Variants in ATP10B observed in about 807,000 individuals in gnomAD.
ATP10B encodes the protein ATPase phospholipid transporting 10B (putative), also known as phospholipid-transporting ATPase VB.
A neutral mutation model predicts 141.2 loss-of-function variants in ATP10B; 122 were observed. The ratio of observed to expected loss-of-function variants is 0.86; its 90% CI spans 0.75 to 1.00. ATP10B has a LOEUF of 1.00. Among genes scored for constraint, ATP10B ranks in the 50% least tolerant of loss-of-function variants. ATP10B has a pLI of 0.00. For missense variants in ATP10B, 1,876 were observed against 1,825.3 expected, an observed-to-expected ratio of 1.03 and a Z score of -0.51; for synonymous variants, 685 against 692.0, an observed-to-expected ratio of 0.99 and a Z score of 0.16.
In ATP10B at chr5:160,690,766, A is replaced by T. The variant is rs138160835; in HGVS notation, c.-204-1823T>A. On this transcript the variant is annotated intron_variant, in intron 3 of 25. Transcript: ENST00000327245. The stretch of plus-strand genomic sequence containing the variant: ...CTTTTACACTGTTGGTGGGAGTGTA[A>T]ATTAGTTCAATCATTGTGGAAGAGA... 6.0e-3 allele frequency among the ~76,000 whole-genome samples: 907 copies of T among 152,286 alleles called. 9 individuals carry two copies. The highest frequency in any genetic ancestry group is 0.021 in the African/African-American group (872 of 41,544).
intron 12 of ATP10B, chr5:160,633,030 A>G (rs2002439): frequency 0.76 from 115,870 of 152,210 alleles, 44,929 homozygotes; most frequent in Middle Eastern, 0.85. Context: ...AACATCTCAC[A>G]CCAGTGAGAA....
chr5:160,756,165 C>T lies in ATP10B; in HGVS notation c.-331+29394G>A, dbSNP rs758596608. Reference sequence around the variant, plus strand: ...TTATGTATTTTTTTTTTATTTTTGGCATGGGGAAGGTCTACCTTTTTTGAA... The same window carrying T: ...TTATGTATTTTTTTTTTATTTTTGGTATGGGGAAGGTCTACCTTTTTTGAA... On this transcript the variant is annotated intron_variant, in intron 2 of 25. Coordinates refer to ENST00000327245, the MANE Select transcript of ATP10B (RefSeq NM_025153.3). Among the ~76,000 whole-genome samples, 521 of 151,134 alleles carry T rather than the reference C, an allele frequency of 3.4e-3. 2 individuals carry two copies. Among genetic ancestry groups the T allele is most frequent in the Non-Finnish European group, 5.0e-3 (338 of 67,822 alleles).
At chr5:160,740,902 T>C (rs1433814848) in intron 2 of ATP10B, among the ~76,000 whole-genome samples, 1 of 152,226 alleles carries the variant, frequency 6.6e-6, no homozygotes, top group Non-Finnish European at 1.5e-5. Context: ...ACGCTATCCC[T>C]TGACAGCTCT....
chr5:160,869,189 G>A, the ATP10B span, among the ~76,000 whole-genome samples: 3 of 151,946 alleles, frequency 2.0e-5, no homozygotes, highest in Non-Finnish European at 4.4e-5. Context: ...AACATGATCT[G>A]GTATAATAAA....
chr5:160,726,673 G>A (rs1766384570), intron 2 of ATP10B, among the ~76,000 whole-genome samples: 1 of 142,870 alleles, frequency 7.0e-6, no homozygotes, highest in Admixed American at 7.0e-5. Flanking sequence ...GGAGGAAGGA[G>A]TAGGGGGGGA....
the ATP10B span, among the ~76,000 whole-genome samples, chr5:160,885,086 C>A: frequency 6.6e-6 from 1 of 152,162 alleles, no homozygotes; most frequent in Admixed American, 6.6e-5. Flanking sequence ...TATGTTTGAT[C>A]CCACAAGCCA....
intron 6 of ATP10B, among the ~76,000 whole-genome samples, chr5:160,683,532 C>T (rs550764791): frequency 6.6e-6 from 1 of 152,214 alleles, no homozygotes; most frequent in Admixed American, 6.5e-5. Context: ...GAAGAGAACC[C>T]CTCCTTAGAA....
At chr5:160,693,750 A>G (rs983606782) in intron 3 of ATP10B, among the ~76,000 whole-genome samples, 1 of 152,194 alleles carries the variant, frequency 6.6e-6, no homozygotes, top group Non-Finnish European at 1.5e-5. Flanking sequence ...GATTCTCATA[A>G]GGAGGGCGTG....
In ATP10B at chr5:160,654,180, G is replaced by A. The variant is rs1166231518; in HGVS notation, c.676-4924C>T. Among the ~76,000 whole-genome samples the A allele has an allele frequency of 4.0e-5, 6 of 151,348 alleles. No homozygotes were observed. The South Asian group carries it at 1.2e-3, about 32-fold the overall frequency. On this transcript the variant is annotated intron_variant, in intron 7 of 25. Coordinates refer to ENST00000327245, the MANE Select transcript of ATP10B (RefSeq NM_025153.3). Reference sequence around the variant, plus strand: ...GGGTCTTACTCTGTTGCCTAGGATGGTCTCAAACTCCTGAGCTTAAGCGAG... The same window carrying A: ...GGGTCTTACTCTGTTGCCTAGGATGATCTCAAACTCCTGAGCTTAAGCGAG...
intron 1 of ATP10B, among the ~76,000 whole-genome samples, chr5:160,796,213 CCT>C (rs1209130223): frequency 6.6e-6 from 1 of 152,164 alleles, no homozygotes; most frequent in Non-Finnish European, 1.5e-5. Context: ...GCTACTTCTC[CCT>C]CTTTCCCTGA....
At chr5:160,615,171 C>T (rs192942358) in intron 17 of ATP10B, among the ~76,000 whole-genome samples, 35 of 152,264 alleles carry the variant, frequency 2.3e-4, no homozygotes, top group Non-Finnish European at 7.4e-5. Context: ...AGCTGATTGA[C>T]ATGACCCTTC....
the ATP10B span, among the ~76,000 whole-genome samples, chr5:160,874,031 C>G: frequency 4.0e-3 from 604 of 152,326 alleles, 4 homozygotes; most frequent in African/African-American, 0.014. Flanking sequence ...GTGGAGCCCA[C>G]CACAGCTCAA....
the ATP10B span, among the ~76,000 whole-genome samples, chr5:160,905,065 TC>T: frequency 6.6e-6 from 1 of 152,198 alleles, no homozygotes; most frequent in Non-Finnish European, 1.5e-5. Flanking sequence ...GAACAGTAAC[TC>T]CGGACTGGGT....
At chr5:160,597,222 G>A (rs2127619628) in intron 22 of ATP10B, among the ~76,000 whole-genome samples, 1 of 152,252 alleles carries the variant, frequency 6.6e-6, no homozygotes, top group South Asian at 2.1e-4. Context: ...ACAGAACAAA[G>A]CCCTCAGAAA....
At chr5:160,618,459 A>G (rs897843489) in intron 15 of ATP10B, among the ~76,000 whole-genome samples, 3 of 152,174 alleles carry the variant, frequency 2.0e-5, no homozygotes, top group Non-Finnish European at 2.9e-5. Context: ...TCTTATATCA[A>G]ATTAGGTCCC....
chr5:160,926,579 G>A, the ATP10B span, among the ~76,000 whole-genome samples: 7 of 152,186 alleles, frequency 4.6e-5, no homozygotes, highest in South Asian at 2.1e-4. Context: ...TGGGGCTGAC[G>A]CCAGAAACGC....
At chr5:160,625,467 C>T (rs1330583111) in intron 13 of ATP10B, among the ~76,000 whole-genome samples, 4 of 152,082 alleles carry the variant, frequency 2.6e-5, no homozygotes, top group Non-Finnish European at 5.9e-5. Context: ...ATCTTACTGC[C>T]ACAGGTACCC....
chr5:160,850,698 G>C (rs1451034050), intron 1 of ATP10B, among the ~76,000 whole-genome samples: 1 of 152,086 alleles, frequency 6.6e-6, no homozygotes, highest in African/African-American at 2.4e-5. Flanking sequence ...ACTGTAAAAA[G>C]TCAGCATGTG....
chr5:160,717,391 C>T (rs940481581), intron 2 of ATP10B, among the ~76,000 whole-genome samples: 1 of 152,208 alleles, frequency 6.6e-6, no homozygotes, highest in Non-Finnish European at 1.5e-5. Context: ...CTCCAATTCT[C>T]TTCTTCTGTT....
Sources: gnomAD v4.1 joint callset for allele counts (sites outside exome capture counted in the v4.1 genomes callset) on GRCh38, gnomAD v4.1.1 for gene constraint, MANE v1.5 for transcripts, NCBI Gene and HGNC (gene_info 2026-07-23, HGNC 2026-07-21) for gene names.